AMPH: variants seen among roughly 807,000 people sequenced by gnomAD.
AMPH encodes the protein amphiphysin (Stiff-Mann syndrome with breast cancer 128kD autoantigen).
A neutral mutation model predicts 99.1 loss-of-function variants in AMPH; 49 were observed. That is an observed-to-expected ratio of 0.49 (90% CI 0.39 to 0.63). The LOEUF is 0.63. AMPH is among the 20% of genes least tolerant of loss of function. AMPH has a pLI of 0.00. For missense variants in AMPH, 759 were observed against 863.4 expected (o/e 0.88, Z 1.52); for synonymous variants, 314 against 317.3 (o/e 0.99, Z 0.11).
chr7:38,473,626 C>T lies in AMPH; in HGVS notation c.590+1705G>A, dbSNP rs1319770093. On this transcript the variant is annotated intron_variant, in intron 7 of 20. Coordinates refer to ENST00000356264, the MANE Select transcript of AMPH (RefSeq NM_001635.4). Reference sequence around the variant, plus strand: ...GGCTGAGGCAGGAGAATGGCGTGAACCCGGGAAGCGGAGCTTGCAGTGAGC... The same window carrying T: ...GGCTGAGGCAGGAGAATGGCGTGAATCCGGGAAGCGGAGCTTGCAGTGAGC... Among the ~76,000 whole-genome samples the T allele has an allele frequency of 4.4e-5, 4 of 91,374 alleles. 1 individual carries two copies. Among genetic ancestry groups the T allele is most frequent in the Non-Finnish European group, 8.0e-5 (4 of 49,746 alleles). 59.9% of individuals were successfully genotyped at this position (91,374 alleles called of 152,430 possible).
At chr7:38,624,697 AT>A (rs1198661816) in intron 1 of AMPH, among the ~76,000 whole-genome samples, 4 of 152,092 alleles carry the variant, frequency 2.6e-5, no homozygotes, top group African/African-American at 9.6e-5. Context: ...TAATAAAAAA[AT>A]AAATCCCAGA....
chr7:38,385,101 TAA>T (rs34834299), intron 20 of AMPH, among the ~76,000 whole-genome samples, 176 bp from the exon 21 acceptor site: 3 of 143,936 alleles, frequency 2.1e-5, no homozygotes. Flanking sequence ...AGTTGTTAGT[TAA>T]AAAAAAAAAG....
chr7:38,581,418 G>C (rs1468520596), intron 1 of AMPH, among the ~76,000 whole-genome samples: 1 of 152,168 alleles, frequency 6.6e-6, no homozygotes, highest in Non-Finnish European at 1.5e-5. Flanking sequence ...AAGCCCAGAG[G>C]TCCCACAAGG....
intron 1 of AMPH, among the ~76,000 whole-genome samples, chr7:38,598,698 T>G (rs541588695): frequency 6.6e-6 from 1 of 152,274 alleles, no homozygotes; most frequent in Admixed American, 6.5e-5. Flanking sequence ...CGTATTTTCT[T>G]GATGTGGCTT....
chr7:38,471,548 A>G (rs955509670), intron 7 of AMPH, among the ~76,000 whole-genome samples: 5 of 152,196 alleles, frequency 3.3e-5, no homozygotes, highest in Non-Finnish European at 7.4e-5. Flanking sequence ...ACTTGGCAGT[A>G]ATGGAGGAAT....
chr7:38,550,965 A>G (rs2129045952), intron 1 of AMPH, among the ~76,000 whole-genome samples: 1 of 152,318 alleles, frequency 6.6e-6, no homozygotes, highest in Admixed American at 6.5e-5. Flanking sequence ...ACACTCAAAA[A>G]CTTCACATAA....
At chr7:38,476,634 CAA>C (rs1359046883) in intron 6 of AMPH, among the ~76,000 whole-genome samples, 1 of 152,112 alleles carries the variant, frequency 6.6e-6, no homozygotes, top group East Asian at 1.9e-4. Context: ...CATTGTAGGT[CAA>C]AGTTTATTCT....
chr7:38,629,227 C>T (rs1430995333), intron 1 of AMPH, among the ~76,000 whole-genome samples: 1 of 152,186 alleles, frequency 6.6e-6, no homozygotes, highest in Non-Finnish European at 1.5e-5. Flanking sequence ...CCAACATGCC[C>T]TTTTCTCTTT....
intron 17 of AMPH, among the ~76,000 whole-genome samples, chr7:38,415,694 A>G (rs954442291): frequency 6.6e-6 from 1 of 152,168 alleles, no homozygotes; most frequent in East Asian, 1.9e-4. Context: ...ACTGATGACC[A>G]TTAGGCAAAC....
chr7:38,457,931 ATG>A (rs1398222096), intron 11 of AMPH, among the ~76,000 whole-genome samples: 1 of 151,836 alleles, frequency 6.6e-6, no homozygotes, highest in Non-Finnish European at 1.5e-5. Context: ...GTCATTTTGT[ATG>A]TGTGTGTGTA....
intron 11 of AMPH, among the ~76,000 whole-genome samples, chr7:38,457,061 G>A (rs892294005): frequency 6.6e-5 from 10 of 152,066 alleles, no homozygotes; most frequent in Admixed American, 2.0e-4. Context: ...CAAAATGTCC[G>A]ACCCAACCAA....
intron 1 of AMPH, among the ~76,000 whole-genome samples, chr7:38,603,274 C>T (rs891681351): frequency 2.0e-5 from 3 of 146,792 alleles, no homozygotes; most frequent in Admixed American, 1.4e-4. Flanking sequence ...CAAGATCAAG[C>T]CACTGCATTC....
rs75300315 is a variant in AMPH at position 38,431,304 on chromosome 7, G to A, written c.1158+885C>T. ...TTATTTAAACCTCACACAACCTTCC[G>A]AGGTAGGCATCATTACCCTTATTTT... is the stretch of plus-strand genomic sequence containing the variant. On this transcript the variant is annotated intron_variant, in intron 13 of 20. Transcript: ENST00000356264. Among the ~76,000 whole-genome samples, 1,000 of 152,210 alleles carry A rather than the reference G, an allele frequency of 6.6e-3. 11 individuals are homozygous for A. Among genetic ancestry groups the A allele is most frequent in the African/African-American group, 0.023 (936 of 41,518 alleles).
intron 19 of AMPH, among the ~76,000 whole-genome samples, chr7:38,390,518 G>A (rs576978323): frequency 1.0e-3 from 155 of 152,216 alleles, no homozygotes; most frequent in South Asian, 2.1e-3. Flanking sequence ...TCACTCTACT[G>A]TCATGGCTGA....
intron 1 of AMPH, among the ~76,000 whole-genome samples, chr7:38,571,225 A>T (rs1298185304): frequency 1.0e-5 from 1 of 96,034 alleles, no homozygotes; most frequent in African/African-American, 4.3e-5. Context: ...ATTTTTATAT[A>T]TTAATTATAT....
chr7:38,553,926 A>T (rs1333619102), intron 1 of AMPH, among the ~76,000 whole-genome samples: 1 of 152,246 alleles, frequency 6.6e-6, no homozygotes, highest in Non-Finnish European at 1.5e-5. Context: ...AGCTTATTAG[A>T]GAATTTACAA....
Position 38,486,073 on chromosome 7 carries a change from G to T in AMPH, c.396+4977C>A, listed in dbSNP as rs758991467. On this transcript the variant is annotated intron_variant, in intron 5 of 20. Coordinates refer to ENST00000356264, the MANE Select transcript of AMPH (RefSeq NM_001635.4). ...AAAGAACAAATGAAACCCCAAATTG[G>T]CAAAAGAAAGGAAAGATAAAGATTA... Among the ~76,000 whole-genome samples, 72 of 149,828 alleles carry T rather than the reference G, an allele frequency of 4.8e-4. 2 individuals are homozygous for T. The highest frequency in any genetic ancestry group is 8.9e-5 in the Non-Finnish European group (6 of 67,498).
chr7:38,575,654 TAA>T lies in AMPH; in HGVS notation c.70-40645_70-40644del, dbSNP rs568681292. Among the ~76,000 whole-genome samples the T allele has an allele frequency of 1.8e-3, 277 of 152,326 alleles. 2 individuals are homozygous for T. The highest frequency in any genetic ancestry group is 6.6e-3 in the African/African-American group (274 of 41,576). ...TTTACTTCCCCTTCCACCATTATTA[TAA>T]GTGTCCTGAGGCCTCCCCAGCCATG... On this transcript the variant is annotated intron_variant, in intron 1 of 20. Coordinates refer to ENST00000356264, the MANE Select transcript of AMPH (RefSeq NM_001635.4).
intron 13 of AMPH, chr7:38,430,123 G>C (rs1177915070): frequency 2.1e-6 from 1 of 472,248 alleles, no homozygotes; most frequent in South Asian, 3.3e-5. Context: ...TTTATGGCTA[G>C]TATATGACTT....
Sources: gnomAD v4.1 joint callset for allele counts (sites outside exome capture counted in the v4.1 genomes callset) on GRCh38, gnomAD v4.1.1 for gene constraint, MANE v1.5 for transcripts, NCBI Gene and HGNC (gene_info 2026-07-23, HGNC 2026-07-21) for gene names.